CMAS: variants seen among roughly 807,000 people sequenced by gnomAD.
CMAS encodes cytidine monophosphate N-acetylneuraminic acid synthetase, also known as N-acylneuraminate cytidylyltransferase.
A neutral mutation model predicts 53.4 loss-of-function variants in CMAS; 21 were observed. The observed-to-expected ratio is 0.39, with a 90% CI of 0.28 to 0.57. CMAS has a LOEUF of 0.57. CMAS is among the 20% of genes least tolerant of loss of function. The pLI, the probability that CMAS is intolerant of heterozygous loss-of-function variation, is 0.56. For synonymous variants in CMAS, 189 were observed against 195.2 expected (o/e 0.97, Z 0.27); for missense variants, 384 against 534.9 (o/e 0.72, Z 2.78).
chr12:22,058,829 C>A, intron 4 of CMAS, 129 bp downstream of exon 4: 1 of 1,087,490 alleles, frequency 9.2e-7, no homozygotes. Flanking sequence ...AAGGTAATAG[C>A]CAACAACATT....
At chr12:22,060,123 T>C (rs181396545) in intron 4 of CMAS, among the ~76,000 whole-genome samples, 11 of 151,932 alleles carry the variant, frequency 7.2e-5, no homozygotes, top group Admixed American at 7.2e-4. Context: ...TTAATACTGC[T>C]TTTGGATGAT....
At chr12:22,059,902 A>G (rs1028662242) in intron 4 of CMAS, among the ~76,000 whole-genome samples, 1 of 152,198 alleles carries the variant, frequency 6.6e-6, no homozygotes, top group Non-Finnish European at 1.5e-5. Flanking sequence ...TCAAATAATT[A>G]CTATCAGAAG....
rs768695529 is a variant in CMAS, at chr12:22,046,510, C to G, written c.207C>G (p.Val69=). 3.1e-6 allele frequency: 5 copies of G among 1,605,076 alleles called. No individual in the cohort carries two copies. Among genetic ancestry groups the G allele is most frequent in the Non-Finnish European group, 4.2e-6 (5 of 1,176,634 alleles). ...AGAACATTAAGCACCTGGCGGGGGT[C>G]CCGCTCATTGGCTGGGTCCTGCGTG... ...PLKNIKHLAG[V]PLIGWVLRAA... is the part of the protein sequence containing the mutation. The change falls in exon 1 of 8, where the codon GTC becomes GTG. Residue 69 remains valine (V), a synonymous_variant. Transcript: ENST00000229329.
At position 22,062,447 on chromosome 12, in the gene CMAS, T is replaced by C. The variant is rs1950314685; in HGVS notation, c.1114+13T>C. 6.2e-7 allele frequency: 1 copy of C among 1,610,166 alleles called. No individual in the cohort carries two copies. The highest frequency in any genetic ancestry group is 1.7e-5 in the Admixed American group (1 of 59,192). ...GTGGCATATCTTGGTTGGTATCTTT[T>C]TATTCACCCATAGTAAAATGGACCA... is the stretch of plus-strand genomic sequence containing the variant. On this transcript the variant is annotated intron_variant, in intron 7 of 7. Transcript: ENST00000229329.
chr12:22,057,979 C>T (rs1334240870), intron 3 of CMAS, among the ~76,000 whole-genome samples: 1 of 151,710 alleles, frequency 6.6e-6, no homozygotes, highest in Non-Finnish European at 1.5e-5. Flanking sequence ...AGGTACCCAC[C>T]ACCATGCCCG....
chr12:22,061,147 T>G (rs771833960), intron 5 of CMAS, 134 bp from the exon 6 acceptor site: 10 of 721,112 alleles, frequency 1.4e-5, no homozygotes, highest in Non-Finnish European at 2.1e-5. Context: ...TTAAAATATA[T>G]ATGTGAAGTA....
intron 7 of CMAS, chr12:22,063,734 A>AACAC (rs1555141666): frequency 6.6e-6 from 1 of 151,090 alleles, no homozygotes; most frequent in Admixed American, 6.6e-5. Flanking sequence ...TTAAAAAAAA[A>AACAC]ACACACACAC....
At chr12:22,056,079 G>C (rs1365765051) in intron 3 of CMAS, among the ~76,000 whole-genome samples, 2 of 152,182 alleles carry the variant, frequency 1.3e-5, no homozygotes, top group African/African-American at 2.4e-5. Context: ...GCCATGTCCA[G>C]TGTGCTATAA....
chr12:22,053,056 G>A (rs906287497), intron 1 of CMAS, among the ~76,000 whole-genome samples: 1 of 152,110 alleles, frequency 6.6e-6, no homozygotes, highest in Admixed American at 6.5e-5. Context: ...CATTTTGGGA[G>A]GCTGAGGTGG....
At chr12:22,063,309 A>C (rs1395802058) in intron 7 of CMAS, among the ~76,000 whole-genome samples, 2 of 152,242 alleles carry the variant, frequency 1.3e-5, no homozygotes, top group Admixed American at 1.3e-4. Flanking sequence ...AATAACCCTT[A>C]AACCACACAT....
chr12:22,058,748 T>C (rs375153508), intron 4 of CMAS, 48 bp downstream of exon 4: 7 of 1,584,414 alleles, frequency 4.4e-6, no homozygotes, highest in South Asian at 1.2e-5. Flanking sequence ...TTTGTAGGCA[T>C]ACTTTGAGTT....
At chr12:22,059,727 C>T (rs1480364768) in intron 4 of CMAS, among the ~76,000 whole-genome samples, 1 of 152,080 alleles carries the variant, frequency 6.6e-6, no homozygotes, top group Non-Finnish European at 1.5e-5. Flanking sequence ...GGATTTGACA[C>T]ACATAGATAC....
In CMAS at chr12:22,058,654, C is replaced by T. The variant is rs759474453; in HGVS notation, c.647C>T (p.Ser216Leu). ...DWDGELYENGSFYFAKRHLIE... is the reference protein window; with the variant it reads ...DWDGELYENGLFYFAKRHLIE... ...GATGGAGAATTATATGAAAATGGCT[C>T]ATTTTATTTTGCTAAAAGACATTTG... The change falls in exon 4 of 8, where the codon TCA (serine) becomes TTA (leucine). Residue 216 changes from serine (S) to leucine (L), a missense_variant. Ser to Leu is a moderately radical substitution (Grantham distance 145). Around this residue, in one of 3 missense-constraint regions of CMAS, gnomAD observed 139 missense variants for 248.0 expected, o/e 0.56. Transcript: ENST00000229329. The T allele has an allele frequency of 1.2e-6, 2 of 1,613,580 alleles. No homozygotes were observed. The highest frequency in any genetic ancestry group is 1.1e-5 in the South Asian group (1 of 91,004).
At chr12:22,053,888 C>G (rs944491736) in intron 1 of CMAS, among the ~76,000 whole-genome samples, 5 of 149,198 alleles carry the variant, frequency 3.4e-5, no homozygotes, top group African/African-American at 1.2e-4. Context: ...CAAAACAAAA[C>G]AAAACAAAAC....
intron 7 of CMAS, chr12:22,064,055 T>C (rs1006520139): frequency 2.0e-5 from 3 of 152,196 alleles, no homozygotes; most frequent in Non-Finnish European, 4.4e-5. Context: ...GCTTAAAGGC[T>C]GGATTATGCA....
intron 4 of CMAS, 124 bp from the exon 5 acceptor site, chr12:22,060,708 T>C: frequency 1.7e-6 from 1 of 591,686 alleles, no homozygotes; most frequent in Admixed American, 2.8e-5. Context: ...TGACTGATTT[T>C]TACTGGGTTA....
chr12:22,050,726 A>G (rs894323487), intron 1 of CMAS, among the ~76,000 whole-genome samples: 24 of 152,178 alleles, frequency 1.6e-4, no homozygotes, highest in Non-Finnish European at 2.9e-5. Context: ...ATGACAATAC[A>G]TAAATGAAAG....
chr12:22,065,120 G>T lies in CMAS; in HGVS notation c.1115-1G>T. On this transcript the variant is annotated splice_acceptor_variant, in intron 7 of 7. Transcript: ENST00000229329. LOFTEE classifies it high-confidence loss of function. ...TGCTCAGTATTTATTTTACTTGATA[G>T]GAAATGAAGTGTCTGATGAAGAGTG... 6.3e-7 allele frequency: 1 copy of T among 1,588,026 alleles called. No homozygotes were observed. Among genetic ancestry groups the T allele is most frequent in the Non-Finnish European group, 8.6e-7 (1 of 1,161,656 alleles).
At chr12:22,062,233 T>C (rs1271611399) in intron 6 of CMAS, 48 bp from the exon 7 acceptor site, 12 of 1,521,206 alleles carry the variant, frequency 7.9e-6, no homozygotes, top group Admixed American at 2.3e-5. Flanking sequence ...TTCTTCACTT[T>C]TTAATTTTTC....
Sources: allele counts gnomAD v4.1 joint callset (sites outside exome capture counted in the v4.1 genomes callset), GRCh38; gene constraint gnomAD v4.1.1; regional missense constraint gnomAD v4.1.1; transcripts MANE v1.5; gene names NCBI Gene and HGNC (gene_info 2026-07-23, HGNC 2026-07-21).